EXOC5: variants seen among roughly 807,000 people sequenced by gnomAD.
The protein encoded by EXOC5 is SEC10-like 1.
In EXOC5, 17 loss-of-function variants were observed where a neutral mutation model predicts 90.8. The observed-to-expected ratio is 0.19, with a 90% CI of 0.13 to 0.28. The LOEUF (loss-of-function observed/expected upper bound fraction) is 0.28, where lower values mean the gene tolerates loss of function less well. Ranked by LOEUF, EXOC5 falls within the 10% of genes least tolerant of loss-of-function variation. EXOC5 has a pLI of 1.00. For synonymous variants in EXOC5, 260 were observed against 270.0 expected (o/e 0.96, Z 0.36); for missense variants, 569 against 830.6 (o/e 0.69, Z 3.87).
At position 57,247,729 on chromosome 14, in the gene EXOC5, T is replaced by A; in HGVS notation, c.28-17A>T. 4 of 1,392,466 alleles carry A rather than the reference T, an allele frequency of 2.9e-6. No homozygotes were observed. The highest frequency in any genetic ancestry group is 3.9e-6 in the Non-Finnish European group (4 of 1,024,352). The allele number at this position is 1,392,466 out of a possible 1,614,324, so 86.3% of individuals were successfully genotyped here. A position where few individuals can be genotyped will look rare whatever the true frequency, so the allele number is the denominator to read the frequency against. On this transcript the variant is annotated splice_polypyrimidine_tract_variant and intron_variant, in intron 1 of 17. Transcript: ENST00000621441. Reference sequence around the variant, plus strand: ...AAAAGGCTCCTAGTTTACAAAAAAATACGCTTTAACAAAGTTTCATATACA... The same window carrying A: ...AAAAGGCTCCTAGTTTACAAAAAAAAACGCTTTAACAAAGTTTCATATACA...
chr14:57,219,113 TAGTGGAAAG>T (rs1345783073), intron 14 of EXOC5, among the ~76,000 whole-genome samples, 200 bp downstream of exon 14: 1 of 152,054 alleles, frequency 6.6e-6, no homozygotes, highest in East Asian at 1.9e-4. Context: ...ATTAATAATA[TAGTGGAAAG>T]AGAAAACAGA....
At position 57,206,453 on chromosome 14, in the gene EXOC5, A is replaced by AT. The variant is rs942456523; in HGVS notation, c.*2155dup. 2.0e-5 allele frequency: 3 copies of AT among 152,046 alleles called. No homozygotes were observed. Among genetic ancestry groups the AT allele is most frequent in the African/African-American group, 7.2e-5 (3 of 41,520 alleles). The allele number at this position is 152,046 out of a possible 1,614,324, so 9.4% of individuals were successfully genotyped here. On this transcript the variant is annotated 3_prime_UTR_variant, in exon 18 of 18. Transcript: ENST00000621441. ...TCTAGTCTTGTTTATATAGTCAAGT[A>AT]TTTTTTGCTAAAAAAGAAAATGAGA...
chr14:57,253,994 A>C (rs1431303647), intron 1 of EXOC5, among the ~76,000 whole-genome samples: 4 of 152,202 alleles, frequency 2.6e-5, no homozygotes, highest in Non-Finnish European at 5.9e-5. Flanking sequence ...AAAATAGACC[A>C]ATCAGACTTA....
intron 1 of EXOC5, among the ~76,000 whole-genome samples, chr14:57,261,537 T>C (rs1197145837): frequency 1.3e-5 from 2 of 152,256 alleles, no homozygotes; most frequent in Non-Finnish European, 2.9e-5. Flanking sequence ...CTATTAGATC[T>C]TGGTGCAGGT....
Position 57,216,382 on chromosome 14 carries a change from A to G in EXOC5, c.1613+1600T>C, listed in dbSNP as rs752061563. On this transcript the variant is annotated intron_variant, in intron 15 of 17. Coordinates refer to ENST00000621441, the MANE Select transcript of EXOC5 (RefSeq NM_006544.4). ...ACTGGAAGCATCGTACTTCTTGGTT[A>G]GAAAATATATCATACAGCTACAGTA... Among the ~76,000 whole-genome samples the G allele has an allele frequency of 1.1e-4, 16 of 152,260 alleles. No homozygotes were observed. The Middle Eastern group carries it at 0.014, about 129-fold the overall frequency.
intron 7 of EXOC5, 101 bp from the exon 8 acceptor site, chr14:57,234,133 A>G: frequency 2.4e-6 from 2 of 844,968 alleles, no homozygotes; most frequent in Non-Finnish European, 3.7e-6. Flanking sequence ...ACTATTTACC[A>G]GTAAATGGCC....
chr14:57,243,427 T>C (rs1174552947), intron 4 of EXOC5: 2 of 152,228 alleles, frequency 1.3e-5, no homozygotes, highest in Non-Finnish European at 2.9e-5. Context: ...AAATATTCTA[T>C]GGAGTAAATC....
chr14:57,209,594 T>C lies in EXOC5; in HGVS notation c.1911A>G (p.Glu637=), dbSNP rs1463089672. The C allele has an allele frequency of 1.9e-6, 3 of 1,612,894 alleles. No individual in the cohort carries two copies. The highest frequency in any genetic ancestry group is 2.5e-6 in the Non-Finnish European group (3 of 1,179,186). Residue 637 remains glutamate (E), a synonymous_variant, in exon 17 of 18, where the codon GAA becomes GAG. Coordinates refer to ENST00000621441, the MANE Select transcript of EXOC5 (RefSeq NM_006544.4). ...TGAAGTCTTTGGCACACTTCCTATA[T>C]TCGGCTACATCACAAATGGCCAACA... ...GGMLAICDVA[E]YRKCAKDFKI... is the part of the protein sequence containing the mutation.
chr14:57,210,890 A>G (rs1882807291), intron 15 of EXOC5, among the ~76,000 whole-genome samples: 1 of 152,172 alleles, frequency 6.6e-6, no homozygotes, highest in Non-Finnish European at 1.5e-5. Flanking sequence ...GTCTCCACCT[A>G]CCATGCTGTG....
At chr14:57,249,527 C>A (rs1442346681) in intron 1 of EXOC5, among the ~76,000 whole-genome samples, 5 of 151,912 alleles carry the variant, frequency 3.3e-5, no homozygotes, top group African/African-American at 1.2e-4. Context: ...TTTTCAATTA[C>A]CTGAAAATAT....
intron 13 of EXOC5, among the ~76,000 whole-genome samples, chr14:57,221,987 C>T (rs1464374239): frequency 1.3e-5 from 2 of 152,136 alleles, no homozygotes; most frequent in Non-Finnish European, 2.9e-5. Context: ...TTACATTACT[C>T]AATTCCCCAA....
chr14:57,212,362 G>C (rs1294911410), intron 15 of EXOC5, among the ~76,000 whole-genome samples: 10 of 152,294 alleles, frequency 6.6e-5, no homozygotes, highest in Admixed American at 5.2e-4. Context: ...AATCAGAAAA[G>C]ACATCCCTGG....
In EXOC5 at chr14:57,208,220, T is replaced by C. The variant is rs563035690; in HGVS notation, c.*389A>G. ...TTTCCTGTATTTCACCTATTATTAA[T>C]GGAAAACAGAATGGCAAAATTTCTA... On this transcript the variant is annotated 3_prime_UTR_variant, in exon 18 of 18. Transcript: ENST00000621441. 1.3e-5 allele frequency: 2 copies of C among 159,384 alleles called. No homozygotes were observed. Among genetic ancestry groups the C allele is most frequent in the East Asian group, 3.6e-4 (2 of 5,518 alleles). 9.9% of individuals were successfully genotyped at this position (159,384 alleles called of 1,614,324 possible). A position where few individuals can be genotyped will look rare whatever the true frequency, so the allele number is the denominator to read the frequency against.
At chr14:57,222,519 A>G in intron 12 of EXOC5, 103 bp from the exon 13 acceptor site, 1 of 565,636 alleles carries the variant, frequency 1.8e-6, no homozygotes, top group Non-Finnish European at 3.2e-6. Flanking sequence ...TCAGTGTTTC[A>G]GGTATGAAAA....
At chr14:57,249,692 A>G (rs181181770) in intron 1 of EXOC5, among the ~76,000 whole-genome samples, 1 of 152,262 alleles carries the variant, frequency 6.6e-6, no homozygotes, top group Admixed American at 6.5e-5. Context: ...AAAAAATGAT[A>G]CAGCAAGAAG....
At chr14:57,266,451 ACTT>A in intron 1 of EXOC5, among the ~76,000 whole-genome samples, 1 of 152,188 alleles carries the variant, frequency 6.6e-6, no homozygotes, top group Non-Finnish European at 1.5e-5. Context: ...AGATAAATGC[ACTT>A]CTTAATTATA....
chr14:57,206,115 A>G lies in EXOC5; in HGVS notation c.*2494T>C, dbSNP rs550322594. 47 of 402,710 alleles carry G rather than the reference A, an allele frequency of 1.2e-4. No homozygotes were observed. In the Admixed American group the frequency reaches 1.2e-3, roughly 11 times the overall value. The allele number at this position is 402,710 out of a possible 1,614,324, so 24.9% of individuals were successfully genotyped here. A position where few individuals can be genotyped will look rare whatever the true frequency, so the allele number is the denominator to read the frequency against. ...TAAGAGCATATTTTCAACTTCATTC[A>G]ATGCATTACCTAAATACTGCATATT... On this transcript the variant is annotated 3_prime_UTR_variant, in exon 18 of 18. Transcript: ENST00000621441.
At chr14:57,210,243 T>G (rs552922343) in intron 15 of EXOC5, among the ~76,000 whole-genome samples, 182 bp from the exon 16 acceptor site, 3 of 152,284 alleles carry the variant, frequency 2.0e-5, no homozygotes, top group South Asian at 2.1e-4. Context: ...ATGAAAGAGC[T>G]CTTGGTTTTA....
At chr14:57,222,244 T>C (rs1883166088) in intron 13 of EXOC5, 64 bp downstream of exon 13, 3 of 749,952 alleles carry the variant, frequency 4.0e-6, no homozygotes, top group Admixed American at 5.0e-5. Flanking sequence ...AACAACATTA[T>C]GCATATAGTT....
Sources: gnomAD v4.1 joint callset for allele counts (sites outside exome capture counted in the v4.1 genomes callset) on GRCh38, gnomAD v4.1.1 for gene constraint, MANE v1.5 for transcripts, NCBI Gene and HGNC (gene_info 2026-07-23, HGNC 2026-07-21) for gene names.